Variants in DMRT1 observed in about 807,000 individuals in gnomAD.
DMRT1 encodes doublesex- and mab-3-related transcription factor 1.
In DMRT1, 7 loss-of-function variants were observed where a neutral mutation model predicts 32.3. The ratio of observed to expected loss-of-function variants is 0.22; its 90% CI spans 0.12 to 0.41. DMRT1 has a LOEUF of 0.41. DMRT1 is among the 10% of genes least tolerant of loss of function. The pLI is 1.00. For synonymous variants in DMRT1, 278 were observed against 206.1 expected, an observed-to-expected ratio of 1.35 and a Z score of -2.99; for missense variants, 625 against 500.5, an observed-to-expected ratio of 1.25 and a Z score of -2.37.
At chr9:947,135 A>G (rs901245856) in intron 4 of DMRT1, among the ~76,000 whole-genome samples, 1 of 152,216 alleles carries the variant, frequency 6.6e-6, no homozygotes, top group African/African-American at 2.4e-5. Flanking sequence ...AATTCCAGTA[A>G]ATGGAAAGAA....
chr9:931,629 A>T (rs1818729418), intron 4 of DMRT1, among the ~76,000 whole-genome samples: 1 of 152,208 alleles, frequency 6.6e-6, no homozygotes, highest in African/African-American at 2.4e-5. Flanking sequence ...GTAGACTGCC[A>T]TCTTATGTCC....
intron 2 of DMRT1, among the ~76,000 whole-genome samples, chr9:850,283 A>G (rs1057151656): frequency 6.6e-6 from 1 of 152,224 alleles, no homozygotes; most frequent in Non-Finnish European, 1.5e-5. Context: ...GAATTAAACT[A>G]CGTAAATATA....
chr9:907,334 G>A (rs1035079803), intron 3 of DMRT1, among the ~76,000 whole-genome samples: 3 of 152,032 alleles, frequency 2.0e-5, no homozygotes, highest in African/African-American at 7.2e-5. Flanking sequence ...TGGGAAGTCC[G>A]GGTCTGTATT....
intron 3 of DMRT1, among the ~76,000 whole-genome samples, chr9:898,050 A>G (rs1316555972): frequency 6.7e-6 from 1 of 150,188 alleles, no homozygotes; most frequent in Non-Finnish European, 1.5e-5. Context: ...ACCTTTAGCT[A>G]ATGTTGAAGG....
intron 2 of DMRT1, among the ~76,000 whole-genome samples, chr9:883,995 A>G (rs537993009): frequency 1.3e-5 from 2 of 152,208 alleles, no homozygotes; most frequent in South Asian, 4.1e-4. Context: ...AATCTGGAGT[A>G]TATAAATTAA....
At chr9:956,123 CATGG>C (rs1211780564) in intron 4 of DMRT1, among the ~76,000 whole-genome samples, 1 of 152,184 alleles carries the variant, frequency 6.6e-6, no homozygotes, top group Non-Finnish European at 1.5e-5. Flanking sequence ...TATTCTACAA[CATGG>C]ATGAAACTTG....
chr9:967,843 AAC>A, intron 4 of DMRT1, 140 bp from the exon 5 acceptor site: 1 of 825,720 alleles, frequency 1.2e-6, no homozygotes, highest in Non-Finnish European at 2.0e-6. Flanking sequence ...TGTCTATAAA[AAC>A]ACTTTCAACT....
chr9:852,275 C>T (rs1432268813), intron 2 of DMRT1, among the ~76,000 whole-genome samples: 2 of 131,604 alleles, frequency 1.5e-5, no homozygotes, highest in Admixed American at 8.1e-5. Context: ...TTATTCCCAG[C>T]CATTTTTGGA....
In DMRT1 at chr9:871,726, G is replaced by A. The variant is rs4742517; in HGVS notation, c.539-22186G>A. Among the ~76,000 whole-genome samples the A allele has an allele frequency of 9.2e-4, 135 of 147,034 alleles. 4 individuals carry two copies. In the East Asian group the frequency reaches 0.023, roughly 25 times the overall value. ...CCTGACCTCGTGATTCGCCCGCCTCGGCCTCCCAAAGTGCTGGGATTACAG... is the reference window on the plus strand; with the variant it reads ...CCTGACCTCGTGATTCGCCCGCCTCAGCCTCCCAAAGTGCTGGGATTACAG... On this transcript the variant is annotated intron_variant, in intron 2 of 4. Transcript: ENST00000382276.
chr9:927,359 A>T (rs897321319), intron 4 of DMRT1, among the ~76,000 whole-genome samples: 1 of 152,232 alleles, frequency 6.6e-6, no homozygotes, highest in Admixed American at 6.5e-5. Flanking sequence ...GTTCTTCATA[A>T]AAACCAGCTC....
At chr9:878,096 G>T (rs918573049) in intron 2 of DMRT1, among the ~76,000 whole-genome samples, 1 of 152,152 alleles carries the variant, frequency 6.6e-6, no homozygotes, top group African/African-American at 2.4e-5. Flanking sequence ...GCCTTCCGGG[G>T]GTGGCAGAAA....
At position 951,739 on chromosome 9, in the gene DMRT1, C is replaced by G. The variant is rs559971152; in HGVS notation, c.968-16246C>G. 4.6e-5 allele frequency among the ~76,000 whole-genome samples: 7 copies of G among 152,252 alleles called. No homozygotes were observed. The South Asian group carries it at 1.5e-3, about 32-fold the overall frequency. ...GTTGTAGTTTGACAGAAATGAGACCCTGGGAGTGGACCAGGGGCCACAGGA... is the reference window on the plus strand; with the variant it reads ...GTTGTAGTTTGACAGAAATGAGACCGTGGGAGTGGACCAGGGGCCACAGGA... On this transcript the variant is annotated intron_variant, in intron 4 of 4. Coordinates refer to ENST00000382276, the MANE Select transcript of DMRT1 (RefSeq NM_021951.3).
intron 4 of DMRT1, among the ~76,000 whole-genome samples, chr9:925,018 G>A (rs937690205): frequency 2.6e-5 from 4 of 152,196 alleles, no homozygotes; most frequent in African/African-American, 9.6e-5. Context: ...CCTCCTCCAG[G>A]CTGTAGTCTG....
At chr9:851,724 CAT>C (rs1364515130) in intron 2 of DMRT1, among the ~76,000 whole-genome samples, 2 of 152,246 alleles carry the variant, frequency 1.3e-5, no homozygotes, top group Middle Eastern at 3.4e-3. Context: ...AGGAGGATAA[CAT>C]ATATTAGAAG....
In DMRT1 at chr9:841,742, C is replaced by A. The variant is rs3739585; in HGVS notation, c.-97C>A. 4 of 1,547,312 alleles carry A rather than the reference C, an allele frequency of 2.6e-6. No individual in the cohort carries two copies. The East Asian group carries it at 9.8e-5, about 38-fold the overall frequency. ...TGCAGCGCACACGTCTCCTGCGCCT[C>A]CTCCTCCGGAGCGTCGCTGTCCGTC... On this transcript the variant is annotated 5_prime_UTR_variant, in exon 1 of 5. Coordinates refer to ENST00000382276, the MANE Select transcript of DMRT1 (RefSeq NM_021951.3).
chr9:883,648 C>T (rs1283629713), intron 2 of DMRT1, among the ~76,000 whole-genome samples: 6 of 151,614 alleles, frequency 4.0e-5, no homozygotes, highest in African/African-American at 1.2e-4. Flanking sequence ...AAAAAATTGC[C>T]GTGTATGGTG....
At chr9:880,636 G>C (rs1474311868) in intron 2 of DMRT1, among the ~76,000 whole-genome samples, 4 of 146,802 alleles carry the variant, frequency 2.7e-5, no homozygotes, top group African/African-American at 7.6e-5. Flanking sequence ...TGAGGCAGGA[G>C]AATTGCTTGA....
chr9:905,901 C>G (rs943394197), intron 3 of DMRT1, among the ~76,000 whole-genome samples: 2 of 152,138 alleles, frequency 1.3e-5, no homozygotes, highest in African/African-American at 2.4e-5. Flanking sequence ...AGAGAGGCAC[C>G]TCTGTTCCCG....
rs7040046 is a variant in DMRT1, at chr9:864,737, C to G, written c.538+17594C>G. 5.6e-4 allele frequency among the ~76,000 whole-genome samples: 84 copies of G among 149,282 alleles called. 1 individual carries two copies. Among genetic ancestry groups the G allele is most frequent in the African/African-American group, 2.0e-3 (83 of 40,508 alleles). On this transcript the variant is annotated intron_variant, in intron 2 of 4. Transcript: ENST00000382276. Reference sequence around the variant, plus strand: ...GGATGGTCTCCATCTCCTAACCTTGCGATCCGCCCACCTCGGCCTCCCAAA... The same window carrying G: ...GGATGGTCTCCATCTCCTAACCTTGGGATCCGCCCACCTCGGCCTCCCAAA...
Sources: gnomAD v4.1 joint callset for allele counts (sites outside exome capture counted in the v4.1 genomes callset) on GRCh38, gnomAD v4.1.1 for gene constraint, MANE v1.5 for transcripts, NCBI Gene and HGNC (gene_info 2026-07-23, HGNC 2026-07-21) for gene names.